The following ZBTB10 variants were observed in gnomAD, a reference collection of about 807,000 sequenced individuals.
The protein encoded by ZBTB10 is zinc finger and BTB domain containing 10.
A neutral mutation model predicts 76.4 loss-of-function variants in ZBTB10; 32 were observed. That is an observed-to-expected ratio of 0.42 (90% CI 0.32 to 0.56). The LOEUF (loss-of-function observed/expected upper bound fraction) is 0.56, where lower values mean the gene tolerates loss of function less well. ZBTB10 is among the 20% of genes least tolerant of loss of function. The pLI, the probability that ZBTB10 is intolerant of heterozygous loss-of-function variation, is 0.14. For synonymous variants in ZBTB10, 523 were observed against 432.9 expected (o/e 1.21, Z -2.58); for missense variants, 1,057 against 1,098.5 (o/e 0.96, Z 0.53).
chr8:80,507,047 C>G (rs1382136493), intron 2 of ZBTB10, among the ~76,000 whole-genome samples: 1 of 152,130 alleles, frequency 6.6e-6, no homozygotes, highest in Non-Finnish European at 1.5e-5. Context: ...CAGTGGCTCG[C>G]GCCTGTAATC....
chr8:80,514,410 C>T (rs1380951147), intron 3 of ZBTB10, among the ~76,000 whole-genome samples: 2 of 152,060 alleles, frequency 1.3e-5, no homozygotes, highest in Non-Finnish European at 2.9e-5. Context: ...GTCAGCAGTG[C>T]ATTGGAGGAA....
intron 2 of ZBTB10, among the ~76,000 whole-genome samples, chr8:80,502,338 C>T (rs1298172337): frequency 2.0e-5 from 3 of 152,116 alleles, no homozygotes; most frequent in South Asian, 2.1e-4. Context: ...TGGGTTCAAG[C>T]GATTCTCCTA....
upstream of ZBTB10, chr8:80,485,915 C>T (rs914505375): frequency 8.6e-5 from 131 of 1,527,846 alleles, no homozygotes; most frequent in Non-Finnish European, 1.1e-4. Context: ...GCGGCCAGAC[C>T]CTGACACTCG....
rs1422789715 is a variant in ZBTB10 at position 80,524,201 on chromosome 8, C to G, written c.*4673C>G. 1 of 151,874 alleles carries G rather than the reference C, an allele frequency of 6.6e-6. No homozygotes were observed. The highest frequency in any genetic ancestry group is 1.5e-5 in the Non-Finnish European group (1 of 67,874). The allele number at this position is 151,874 out of a possible 1,614,324, so 9.4% of individuals were successfully genotyped here. ...CAGATATCTTTGTACTTAAGGCTTA[C>G]AAGTTTGAATTATGGAATACTATAA... On this transcript the variant is annotated 3_prime_UTR_variant, in exon 6 of 6. Coordinates refer to ENST00000455036, the MANE Select transcript of ZBTB10 (RefSeq NM_001105539.3).
In ZBTB10 at chr8:80,486,296, A is replaced by G; in HGVS notation, c.-515A>G. 9.9e-7 allele frequency: 1 copy of G among 1,011,322 alleles called. No homozygotes were observed. The highest frequency in any genetic ancestry group is 1.2e-6 in the Non-Finnish European group (1 of 848,044). 62.6% of individuals were successfully genotyped at this position (1,011,322 alleles called of 1,614,324 possible). A position where few individuals can be genotyped will look rare whatever the true frequency, so the allele number is the denominator to read the frequency against. On this transcript the variant is annotated 5_prime_UTR_variant, in exon 1 of 6. It removes an upstream start codon present in the reference 5' UTR. Coordinates refer to ENST00000455036, the MANE Select transcript of ZBTB10 (RefSeq NM_001105539.3). The stretch of plus-strand genomic sequence containing the variant: ...CCGCCGGCTTTATTGTCGCTTCGTT[A>G]TGTGGCGGAGCCGAGCAGTTTAGCG...
intron 1 of ZBTB10, among the ~76,000 whole-genome samples, chr8:80,491,741 A>G (rs2131473811): frequency 6.6e-6 from 1 of 152,314 alleles, no homozygotes; most frequent in East Asian, 1.9e-4. Flanking sequence ...GGCCCAGAAG[A>G]CTTTAAAATT....
chr8:80,495,134 TC>T (rs772915689), intron 1 of ZBTB10, among the ~76,000 whole-genome samples: 4 of 130,390 alleles, frequency 3.1e-5, no homozygotes, highest in Admixed American at 2.5e-4. Context: ...TCTCTCTCTC[TC>T]TTTTTTTTTT....
chr8:80,493,787 G>A (rs1815711354), intron 1 of ZBTB10, among the ~76,000 whole-genome samples: 1 of 152,164 alleles, frequency 6.6e-6, no homozygotes, highest in South Asian at 2.1e-4. Flanking sequence ...CCGAGATCGC[G>A]CCCTTGTGCT....
In ZBTB10 at chr8:80,518,686, A is replaced by G. The variant is rs1396565581; in HGVS notation, c.2138-96A>G. On this transcript the variant is annotated intron_variant, in intron 4 of 5. Transcript: ENST00000455036. Reference sequence around the variant, plus strand: ...AAAAACCAAGTAGCAGTAGCTCCACATAATTGCTGTTCTCAGAGATAGAGA... The same window carrying G: ...AAAAACCAAGTAGCAGTAGCTCCACGTAATTGCTGTTCTCAGAGATAGAGA... 4.0e-6 allele frequency: 6 copies of G among 1,483,124 alleles called. No homozygotes were observed. In the East Asian group the frequency reaches 9.8e-5, roughly 24 times the overall value. The allele number at this position is 1,483,124 out of a possible 1,614,324, so 91.9% of individuals were successfully genotyped here.
chr8:80,511,096 A>G (rs1306128703), intron 2 of ZBTB10, among the ~76,000 whole-genome samples: 1 of 152,206 alleles, frequency 6.6e-6, no homozygotes, highest in Non-Finnish European at 1.5e-5. Flanking sequence ...AAGATTGTCA[A>G]CTTGGAAGAA....
intron 3 of ZBTB10, among the ~76,000 whole-genome samples, chr8:80,516,186 A>C (rs951481583): frequency 6.6e-6 from 1 of 152,140 alleles, no homozygotes; most frequent in Non-Finnish European, 1.5e-5. Flanking sequence ...CTCTCAAATT[A>C]CTGGGATGAC....
Position 80,523,531 on chromosome 8 carries a change from C to T in ZBTB10, c.*4003C>T, listed in dbSNP as rs1162301827. The T allele has an allele frequency of 6.6e-6, 1 of 151,784 alleles. No homozygotes were observed. Among genetic ancestry groups the T allele is most frequent in the East Asian group, 1.9e-4 (1 of 5,206 alleles). 9.4% of individuals were successfully genotyped at this position (151,784 alleles called of 1,614,324 possible). On this transcript the variant is annotated 3_prime_UTR_variant, in exon 6 of 6. Transcript: ENST00000455036. ...CCCCAGTTTTTGTGCCGTTCAGTCA[C>T]CCAGATCCTTAAACTTAACTATGGT...
intron 2 of ZBTB10, among the ~76,000 whole-genome samples, chr8:80,510,000 G>C (rs1331857939): frequency 6.6e-6 from 1 of 152,002 alleles, no homozygotes; most frequent in Admixed American, 6.6e-5. Flanking sequence ...TGCAATACAT[G>C]GTTAATTAGA....
intron 1 of ZBTB10, among the ~76,000 whole-genome samples, chr8:80,497,389 G>A (rs1162602293): frequency 6.7e-6 from 1 of 149,258 alleles, no homozygotes; most frequent in Non-Finnish European, 1.5e-5. Flanking sequence ...TCCTCTATCC[G>A]TGACTTAACA....
Position 80,513,957 on chromosome 8 carries a change from A to C in ZBTB10, c.1909A>C (p.Asn637His), listed in dbSNP as rs763091632. The change falls in exon 3 of 6, where the codon AAT becomes CAT. Residue 637 changes from asparagine (N) to histidine (H), a missense_variant. Coordinates refer to ENST00000455036, the MANE Select transcript of ZBTB10 (RefSeq NM_001105539.3). ...GGGGCCAGATGGTGATAGGAATGTG[A>C]ATGCAAATTTATTGGCTGAAGCTGG... ...LSGPDGDRNV[N>H]ANLLAEAGTS... 3.7e-6 allele frequency: 6 copies of C among 1,613,536 alleles called. 1 individual carries two copies. The South Asian group carries it at 6.6e-5, about 18-fold the overall frequency.
chr8:80,519,448 C>T lies in ZBTB10; in HGVS notation c.2536C>T (p.Leu846=). The change falls in exon 6 of 6, where the codon CTA becomes TTA. Residue 846 remains leucine, a synonymous_variant. Transcript: ENST00000455036. ...ENEVGEADEE[L]VDDGEDQNDP... Reference sequence around the variant, plus strand: ...TGAAGTAGGAGAAGCTGATGAAGAGCTAGTTGATGATGGAGAAGATCAGAA... The same window carrying T: ...TGAAGTAGGAGAAGCTGATGAAGAGTTAGTTGATGATGGAGAAGATCAGAA... 1 of 1,612,398 alleles carries T rather than the reference C, an allele frequency of 6.2e-7. No homozygotes were observed. Among genetic ancestry groups the T allele is most frequent in the South Asian group, 1.1e-5 (1 of 90,714 alleles).
chr8:80,515,196 A>G (rs1816296915), intron 3 of ZBTB10, among the ~76,000 whole-genome samples: 1 of 152,236 alleles, frequency 6.6e-6, no homozygotes, highest in African/African-American at 2.4e-5. Flanking sequence ...ATGAGCATGC[A>G]TGTTTCTAAA....
In ZBTB10 at chr8:80,486,407, GGT is replaced by G; in HGVS notation, c.-398_-397del. The G allele has an allele frequency of 2.0e-6, 2 of 985,588 alleles. No individual in the cohort carries two copies. The highest frequency in any genetic ancestry group is 3.5e-5 in the African/African-American group (2 of 57,014). 61.1% of individuals were successfully genotyped at this position (985,588 alleles called of 1,614,324 possible). On this transcript the variant is annotated 5_prime_UTR_variant, in exon 1 of 6. Coordinates refer to ENST00000455036, the MANE Select transcript of ZBTB10 (RefSeq NM_001105539.3). The stretch of plus-strand genomic sequence containing the variant: ...AGGAAGGATATCTGTGTGGAGGATC[GGT>G]GTGTGCGCGCGCGGCTTTAAAGAGG...
At chr8:80,516,578 A>G (rs1816330873) in intron 3 of ZBTB10, among the ~76,000 whole-genome samples, 1 of 152,180 alleles carries the variant, frequency 6.6e-6, no homozygotes, top group Non-Finnish European at 1.5e-5. Flanking sequence ...GATTCTTACA[A>G]CTTACTCCCA....
Sources: allele counts gnomAD v4.1 joint callset (sites outside exome capture counted in the v4.1 genomes callset), GRCh38; gene constraint gnomAD v4.1.1; transcripts MANE v1.5; gene names NCBI Gene and HGNC (gene_info 2026-07-23, HGNC 2026-07-21).